SLIT2: variants seen among roughly 807,000 people sequenced by gnomAD.
SLIT2 encodes the protein slit guidance ligand 2, also known as slit homolog 2 protein.
A neutral mutation model predicts 185.7 loss-of-function variants in SLIT2; 41 were observed. The ratio of observed to expected loss-of-function variants is 0.22; its 90% confidence interval spans 0.17 to 0.29. SLIT2 has a LOEUF of 0.29. Ranked by LOEUF, SLIT2 falls within the 10% of genes least tolerant of loss-of-function variation. SLIT2 has a pLI of 1.00. For missense variants in SLIT2, 1,571 were observed against 1,909.0 expected (o/e 0.82, Z 3.30); for synonymous variants, 693 against 680.2 (o/e 1.02, Z -0.29).
At chr4:20,427,462 AT>A (rs1380487906) in intron 4 of SLIT2, among the ~76,000 whole-genome samples, 8 of 152,326 alleles carry the variant, frequency 5.3e-5, no homozygotes, top group African/African-American at 1.9e-4. Context: ...AAAGTTTGTC[AT>A]TATGGATTCT....
intron 33 of SLIT2, among the ~76,000 whole-genome samples, chr4:20,600,459 G>A (rs1040176270): frequency 8.2e-6 from 1 of 122,636 alleles, no homozygotes; most frequent in Admixed American, 1.0e-4. Flanking sequence ...GTCTCACTCA[G>A]TCACCCAGGC....
At chr4:20,596,075 G>A (rs1344638434) in intron 31 of SLIT2, among the ~76,000 whole-genome samples, 3 of 151,874 alleles carry the variant, frequency 2.0e-5, no homozygotes, top group African/African-American at 7.3e-5. Flanking sequence ...CACTTACTAG[G>A]TACCCACAAA....
At chr4:20,418,893 T>C (rs1727925479) in intron 4 of SLIT2, among the ~76,000 whole-genome samples, 1 of 152,178 alleles carries the variant, frequency 6.6e-6, no homozygotes, top group African/African-American at 2.4e-5. Context: ...TTCCAGCATA[T>C]TAACTGTACC....
At chr4:20,603,140 C>T (rs1036816217) in intron 33 of SLIT2, among the ~76,000 whole-genome samples, 3 of 152,132 alleles carry the variant, frequency 2.0e-5, no homozygotes, top group East Asian at 1.9e-4. Context: ...GGAGGCCTCA[C>T]AATCATAGCA....
chr4:20,254,983 G>A lies in SLIT2; in HGVS notation c.179+989G>A, dbSNP rs558140827. The A allele has an allele frequency of 2.8e-5, 13 of 456,298 alleles. No individual in the cohort carries two copies. The East Asian group carries it at 9.1e-4, about 32-fold the overall frequency. The allele number at this position is 456,298 out of a possible 1,614,324, so 28.3% of individuals were successfully genotyped here. On this transcript the variant is annotated intron_variant, in intron 1 of 36. Coordinates refer to ENST00000504154, the MANE Select transcript of SLIT2 (RefSeq NM_004787.4). The surrounding 1 kb of genome is among the most constrained non-coding windows in gnomAD (Gnocchi z 5.1). Reference sequence around the variant, plus strand: ...TGTTGACGGCCCACGCGCTCCTGATGAGGCGCTTCCAGAGTTCAGCGAAGT... The same window carrying A: ...TGTTGACGGCCCACGCGCTCCTGATAAGGCGCTTCCAGAGTTCAGCGAAGT...
At chr4:20,255,643 TACTC>T (rs1425465202) in intron 1 of SLIT2, among the ~76,000 whole-genome samples, 1 of 150,694 alleles carries the variant, frequency 6.6e-6, no homozygotes, top group Non-Finnish European at 1.5e-5. Flanking sequence ...GAACATGTCT[TACTC>T]AACAAAAAGG....
rs1258051478 is a variant in SLIT2 at position 20,486,200 on chromosome 4, C to G, written c.540C>G (p.Leu180=). 2.5e-6 allele frequency: 4 copies of G among 1,581,050 alleles called. No individual in the cohort carries two copies. In the Admixed American group the frequency reaches 6.7e-5, roughly 26 times the overall value. The change falls in exon 7 of 37, where the codon CTC becomes CTG. Residue 180 remains leucine (L), a splice_region_variant and synonymous_variant. Transcript: ENST00000504154. ...AFRALRDLEV[L]TLNNNNITRL... is the part of the protein sequence containing the mutation. ...CTAACTTTTCTTTTTAATTCTACAG[C>G]ACTCTCAACAATAACAACATTACTA...
At chr4:20,516,137 A>C (rs1720193302) in intron 11 of SLIT2, among the ~76,000 whole-genome samples, 1 of 152,194 alleles carries the variant, frequency 6.6e-6, no homozygotes, top group South Asian at 2.1e-4. Context: ...CAATAAGAGC[A>C]CAAGAGCTCA....
At chr4:20,256,414 A>T (rs1342961789) in intron 1 of SLIT2, among the ~76,000 whole-genome samples, 1 of 152,134 alleles carries the variant, frequency 6.6e-6, no homozygotes, top group Non-Finnish European at 1.5e-5. Flanking sequence ...TCTCCCATAC[A>T]CAAAACAAAC....
intron 29 of SLIT2, among the ~76,000 whole-genome samples, chr4:20,576,927 A>T (rs1481605759): frequency 6.6e-6 from 1 of 152,120 alleles, no homozygotes; most frequent in African/African-American, 2.4e-5. Flanking sequence ...TGTTCCAATA[A>T]GGAAATGCTG....
At chr4:20,472,226 A>ATATATATAGATCTATATATC (rs1715121887) in intron 5 of SLIT2, among the ~76,000 whole-genome samples, 3 of 105,482 alleles carry the variant, frequency 2.8e-5, no homozygotes, top group Non-Finnish European at 5.7e-5. Context: ...GTGTGTGTAT[A>ATATATATAGATCTATATATC]TATATATAGA....
intron 29 of SLIT2, 170 bp downstream of exon 29, chr4:20,569,174 A>G (rs1355037821): frequency 3.2e-6 from 2 of 615,712 alleles, no homozygotes; most frequent in Non-Finnish European, 5.7e-6. Context: ...GTTTCAGCTA[A>G]CCAAATAAAA....
intron 4 of SLIT2, among the ~76,000 whole-genome samples, chr4:20,429,212 G>A (rs755374998): frequency 1.3e-5 from 2 of 151,950 alleles, no homozygotes; most frequent in Non-Finnish European, 2.9e-5. Context: ...ACTTGTTCTC[G>A]GTGCGAGTTT....
chr4:20,292,497 G>C (rs1208435379), intron 4 of SLIT2, among the ~76,000 whole-genome samples: 1 of 152,092 alleles, frequency 6.6e-6, no homozygotes, highest in Admixed American at 6.6e-5. Context: ...CTCAAAAGAA[G>C]AAGAAGGAGA....
At chr4:20,306,521 T>C (rs1717560825) in intron 4 of SLIT2, among the ~76,000 whole-genome samples, 1 of 152,208 alleles carries the variant, frequency 6.6e-6, no homozygotes, top group Non-Finnish European at 1.5e-5. Flanking sequence ...GTAGAGGGAC[T>C]CAAATTAGGA....
At chr4:20,427,663 T>TTGCA (rs1728658559) in intron 4 of SLIT2, among the ~76,000 whole-genome samples, 2 of 151,454 alleles carry the variant, frequency 1.3e-5, no homozygotes, top group South Asian at 4.2e-4. Flanking sequence ...AGCTATGAAT[T>TTGCA]TGCATTCTTT....
intron 9 of SLIT2, among the ~76,000 whole-genome samples, chr4:20,503,330 C>T (rs929081517): frequency 1.2e-4 from 18 of 152,056 alleles, no homozygotes; most frequent in East Asian, 5.8e-4. Context: ...ACAAGTGATA[C>T]GAAAGATGAT....
intron 4 of SLIT2, among the ~76,000 whole-genome samples, chr4:20,453,601 T>C (rs548784349): frequency 1.3e-5 from 2 of 152,100 alleles, no homozygotes; most frequent in Non-Finnish European, 2.9e-5. Flanking sequence ...TTAGAGAAGT[T>C]TAAAAGAGAA....
At chr4:20,485,784 A>T (rs946760762) in intron 6 of SLIT2, among the ~76,000 whole-genome samples, 1 of 152,196 alleles carries the variant, frequency 6.6e-6, no homozygotes, top group African/African-American at 2.4e-5. Context: ...TCAGTAAAAG[A>T]ATATTAATTC....
Sources: allele counts gnomAD v4.1 joint callset (sites outside exome capture counted in the v4.1 genomes callset), GRCh38; gene constraint gnomAD v4.1.1; non-coding constraint Gnocchi (gnomAD v3.1); transcripts MANE v1.5; gene names NCBI Gene and HGNC (gene_info 2026-07-23, HGNC 2026-07-21).